MTO1: variants seen among roughly 807,000 people sequenced by gnomAD.
The protein encoded by MTO1 is 5-taurinomethyluridine-[tRNA] synthase subunit MTO1, mitochondrial.
In MTO1, 46 loss-of-function variants were observed where a neutral mutation model predicts 71.6. The ratio of observed to expected loss-of-function variants is 0.64; its 90% confidence interval spans 0.51 to 0.82. The LOEUF is 0.82. Ranked by LOEUF, MTO1 falls within the 40% of genes least tolerant of loss-of-function variation. The pLI is 0.00. For synonymous variants in MTO1, 297 were observed against 312.1 expected, an observed-to-expected ratio of 0.95 and a Z score of 0.51; for missense variants, 773 against 867.5, an observed-to-expected ratio of 0.89 and a Z score of 1.37.
chr6:73,479,785 G>C lies in MTO1; in HGVS notation c.879G>C (p.Glu293Asp). The C allele has an allele frequency of 7.4e-6, 12 of 1,614,020 alleles. No homozygotes were observed. The highest frequency in any genetic ancestry group is 1.0e-5 in the Non-Finnish European group (12 of 1,179,984). Residue 293 changes from glutamate to aspartate, a missense_variant, in exon 5 of 12, where the codon GAG becomes GAC. Transcript: ENST00000498286. ...YLTHTNPRVD[E>D]IVLKNLHLNS... is the part of the protein sequence containing the mutation. ...CTCACACCAACCCTAGAGTGGATGA[G>C]ATTGTCCTTAAGAACCTTCACCTTA...
In MTO1 at chr6:73,508,540, G is replaced by A. The variant is rs1231348604; in HGVS notation, c.*7805G>A. 6.6e-6 allele frequency: 1 copy of A among 152,156 alleles called. No individual in the cohort carries two copies. Among genetic ancestry groups the A allele is most frequent in the Non-Finnish European group, 1.5e-5 (1 of 68,036 alleles). The allele number at this position is 152,156 out of a possible 1,614,324, so 9.4% of individuals were successfully genotyped here. On this transcript the variant is annotated 3_prime_UTR_variant, in exon 12 of 12. Coordinates refer to ENST00000498286, the MANE Select transcript of MTO1 (RefSeq NM_012123.4). ...TTCAAGTAATTTAAGAAAACTGTTG[G>A]AATTTTCTGTATTTCCAGTTTCACA...
chr6:73,462,182 C>A (rs753525168), intron 1 of MTO1, 111 bp downstream of exon 1: 2 of 1,212,994 alleles, frequency 1.6e-6, no homozygotes, highest in Non-Finnish European at 2.3e-6. Context: ...TAGTGAGAAT[C>A]CTACCTTCTG....
chr6:73,508,525 T>G lies in MTO1; in HGVS notation c.*7790T>G, dbSNP rs1054383923. 7.9e-5 allele frequency: 12 copies of G among 152,166 alleles called. No homozygotes were observed. The highest frequency in any genetic ancestry group is 2.9e-4 in the African/African-American group (12 of 41,444). 9.4% of individuals were successfully genotyped at this position (152,166 alleles called of 1,614,324 possible). A position where few individuals can be genotyped will look rare whatever the true frequency, so the allele number is the denominator to read the frequency against. Reference sequence around the variant, plus strand: ...ATGTGTATGTGGTGTTTCAAGTAATTTAAGAAAACTGTTGGAATTTTCTGT... The same window carrying G: ...ATGTGTATGTGGTGTTTCAAGTAATGTAAGAAAACTGTTGGAATTTTCTGT... On this transcript the variant is annotated 3_prime_UTR_variant, in exon 12 of 12. Transcript: ENST00000498286.
chr6:73,493,383 TGTGTG>T, intron 10 of MTO1, among the ~76,000 whole-genome samples: 1 of 151,084 alleles, frequency 6.6e-6, no homozygotes, highest in African/African-American at 2.4e-5. Context: ...TGTGTGTGTG[TGTGTG>T]TTTTGGTTTT....
In MTO1 at chr6:73,507,023, C is replaced by T; in HGVS notation, c.*6288C>T. ...GTCTATATTCACCAATTTTAAGATG[C>T]ACATCTTTCCATATTTTAGTATCTC... On this transcript the variant is annotated 3_prime_UTR_variant, in exon 12 of 12. Transcript: ENST00000498286. 6.6e-6 allele frequency: 1 copy of T among 150,410 alleles called. No homozygotes were observed. Among genetic ancestry groups the T allele is most frequent in the South Asian group, 2.1e-4 (1 of 4,712 alleles). 9.3% of individuals were successfully genotyped at this position (150,410 alleles called of 1,614,324 possible).
intron 1 of MTO1, among the ~76,000 whole-genome samples, chr6:73,464,337 A>G (rs547238301): frequency 1.3e-5 from 2 of 152,294 alleles, no homozygotes; most frequent in South Asian, 2.1e-4. Flanking sequence ...AGACTAAGGT[A>G]TGTTAGGTAA....
chr6:73,472,997 C>T (rs1010596557), intron 3 of MTO1, among the ~76,000 whole-genome samples: 6 of 152,116 alleles, frequency 3.9e-5, no homozygotes, highest in African/African-American at 1.2e-4. Flanking sequence ...GACTTTAGGC[C>T]GGGCGCGGTG....
intron 4 of MTO1, among the ~76,000 whole-genome samples, chr6:73,476,418 T>A (rs1226945262): frequency 6.9e-6 from 1 of 144,600 alleles, no homozygotes; most frequent in African/African-American, 2.5e-5. Flanking sequence ...CCTCAACGCA[T>A]ATAATTTTAT....
intron 4 of MTO1, among the ~76,000 whole-genome samples, chr6:73,478,610 C>T (rs1026412863): frequency 6.6e-6 from 1 of 152,160 alleles, no homozygotes; most frequent in Non-Finnish European, 1.5e-5. Context: ...GCAAGCTTGG[C>T]CCACTGCAAC....
At chr6:73,498,598 AAAC>A (rs1772066169) in intron 11 of MTO1, among the ~76,000 whole-genome samples, 1 of 152,032 alleles carries the variant, frequency 6.6e-6, no homozygotes, top group Non-Finnish European at 1.5e-5. Context: ...TCCTTTGTGT[AAAC>A]AAATAAACTT....
intron 3 of MTO1, among the ~76,000 whole-genome samples, chr6:73,471,117 A>G (rs917887612): frequency 6.6e-6 from 1 of 151,996 alleles, no homozygotes; most frequent in Non-Finnish European, 1.5e-5. Flanking sequence ...TGTTTTCACA[A>G]AATCGTAGCA....
Position 73,473,663 on chromosome 6 carries a change from C to T in MTO1, c.825+9C>T, listed in dbSNP as rs1228772280. The T allele has an allele frequency of 3.2e-6, 5 of 1,577,438 alleles. No homozygotes were observed. The highest frequency in any genetic ancestry group is 1.1e-5 in the South Asian group (1 of 89,118). On this transcript the variant is annotated intron_variant, in intron 4 of 11. Transcript: ENST00000498286. ...AGACAGTATGGATTAAGGTAAGATA[C>T]TTTACGAAAACCTGGCTTACAGCTG...
intron 9 of MTO1, among the ~76,000 whole-genome samples, chr6:73,488,642 G>C (rs1202167562): frequency 6.6e-6 from 1 of 151,950 alleles, no homozygotes; most frequent in East Asian, 1.9e-4. Context: ...GGGCATGGTA[G>C]CTTGTGCCTG....
chr6:73,492,995 T>TGTGTGTGTGTGTA (rs540252865), intron 10 of MTO1, among the ~76,000 whole-genome samples: 32 of 73,312 alleles, frequency 4.4e-4, no homozygotes, highest in African/African-American at 1.2e-3. Context: ...TGTGTGTGTA[T>TGTGTGTGTGTGTA]TTTTTTTTTT....
At chr6:73,477,715 C>G (rs971312670) in intron 4 of MTO1, among the ~76,000 whole-genome samples, 2 of 151,728 alleles carry the variant, frequency 1.3e-5, no homozygotes, top group Admixed American at 6.6e-5. Flanking sequence ...CAGTGTCACC[C>G]AGGCTGGTCT....
intron 9 of MTO1, among the ~76,000 whole-genome samples, chr6:73,486,163 G>A (rs1438310135): frequency 2.6e-5 from 4 of 151,730 alleles, no homozygotes; most frequent in Admixed American, 6.6e-5. Context: ...AAACTATCTC[G>A]AATTCTGGTG....
intron 8 of MTO1, 75 bp downstream of exon 8, chr6:73,482,319 C>A: frequency 6.4e-7 from 1 of 1,569,748 alleles, no homozygotes; most frequent in Non-Finnish European, 8.7e-7. Context: ...TTTGAGAGAC[C>A]AAGGCAAGAG....
rs145179778 is a variant in MTO1, at chr6:73,499,586, C to A, written c.1918-988C>A. On this transcript the variant is annotated intron_variant, in intron 11 of 11. Transcript: ENST00000498286. ...TTCAGTTCCTCAGTCTTACTAGCCA[C>A]ATTTCAAGTGCCCAGTAGCCACATA... is the stretch of plus-strand genomic sequence containing the variant. Among the ~76,000 whole-genome samples the A allele has an allele frequency of 8.3e-3, 1,263 of 151,992 alleles. 22 individuals carry two copies. Among genetic ancestry groups the A allele is most frequent in the African/African-American group, 0.028 (1,162 of 41,476 alleles).
At chr6:73,464,464 C>T (rs1032482261) in intron 1 of MTO1, among the ~76,000 whole-genome samples, 1 of 152,090 alleles carries the variant, frequency 6.6e-6, no homozygotes, top group South Asian at 2.1e-4. Context: ...TATCCAGTCT[C>T]CCTGTGGAGA....
Sources: gnomAD v4.1 joint callset for allele counts (sites outside exome capture counted in the v4.1 genomes callset) on GRCh38, gnomAD v4.1.1 for gene constraint, MANE v1.5 for transcripts, NCBI Gene and HGNC (gene_info 2026-07-23, HGNC 2026-07-21) for gene names.